COMMD1: variants seen among roughly 807,000 people sequenced by gnomAD.
The protein encoded by COMMD1 is COMM domain-containing protein 1.
Under a neutral mutation model 17.2 loss-of-function variants are expected in COMMD1, and 10 were observed. The ratio of observed to expected loss-of-function variants is 0.58; its 90% CI spans 0.36 to 0.99. The LOEUF is 0.99. Ranked by LOEUF, COMMD1 falls within the 50% of genes least tolerant of loss-of-function variation. The pLI, the probability that COMMD1 is intolerant of heterozygous loss-of-function variation, is 0.01. For missense variants in COMMD1, 270 were observed against 231.8 expected, an observed-to-expected ratio of 1.17 and a Z score of -1.07; for synonymous variants, 97 against 91.6, an observed-to-expected ratio of 1.06 and a Z score of -0.34.
chr2:62,072,236 CAAATT>C (rs1671216783), intron 2 of COMMD1, among the ~76,000 whole-genome samples: 1 of 152,102 alleles, frequency 6.6e-6, no homozygotes, highest in South Asian at 2.1e-4. Flanking sequence ...AAACCAAAGA[CAAATT>C]AAAGCCTGAA....
intron 1 of COMMD1, among the ~76,000 whole-genome samples, chr2:61,998,545 C>T (rs1157994986): frequency 6.6e-6 from 1 of 152,194 alleles, no homozygotes; most frequent in Non-Finnish European, 1.5e-5. Context: ...CAGGCGTGAA[C>T]CACTGCGCCC....
chr2:61,962,659 C>G (rs1322642576), intron 1 of COMMD1, among the ~76,000 whole-genome samples: 1 of 152,126 alleles, frequency 6.6e-6, no homozygotes, highest in East Asian at 1.9e-4. Context: ...GTGAGTTTCC[C>G]TGGTGAACAG....
At chr2:62,040,795 C>T (rs947163960) in intron 2 of COMMD1, among the ~76,000 whole-genome samples, 1 of 151,974 alleles carries the variant, frequency 6.6e-6, no homozygotes, top group Non-Finnish European at 1.5e-5. Context: ...ACTGCAACTT[C>T]TGCCTCCTGG....
At chr2:62,064,331 G>A (rs1231248978) in intron 2 of COMMD1, among the ~76,000 whole-genome samples, 1 of 151,890 alleles carries the variant, frequency 6.6e-6, no homozygotes, top group Admixed American at 6.6e-5. Context: ...GTGCCACAAC[G>A]CCTGGCTAAT....
intron 2 of COMMD1, among the ~76,000 whole-genome samples, chr2:62,092,292 A>T (rs138380794): frequency 6.5e-4 from 99 of 152,336 alleles, no homozygotes; most frequent in African/African-American, 2.2e-3. Context: ...AATATTCTAT[A>T]GCAAGGAAAG....
intron 1 of COMMD1, chr2:61,968,912 C>T (rs1191773133): frequency 1.1e-4 from 27 of 251,886 alleles, no homozygotes; most frequent in South Asian, 7.7e-4. Context: ...TTCTCAGTAA[C>T]GAAACCAGTT....
chr2:62,042,422 T>C (rs1032330180), intron 2 of COMMD1, among the ~76,000 whole-genome samples: 3 of 152,196 alleles, frequency 2.0e-5, no homozygotes, highest in South Asian at 4.1e-4. Flanking sequence ...TACCTCTCAA[T>C]GGCACTCTCC....
chr2:62,017,629 C>T (rs980436288), intron 2 of COMMD1, among the ~76,000 whole-genome samples: 6 of 151,708 alleles, frequency 4.0e-5, no homozygotes, highest in Non-Finnish European at 7.4e-5. Context: ...GTGATCATGC[C>T]ACTGCACTCC....
chr2:61,925,752 A>G (rs973489992), intron 1 of COMMD1, among the ~76,000 whole-genome samples: 1 of 152,216 alleles, frequency 6.6e-6, no homozygotes, highest in Non-Finnish European at 1.5e-5. Context: ...CTCATAATTT[A>G]AAAGGACTCA....
intron 1 of COMMD1, among the ~76,000 whole-genome samples, chr2:61,990,850 A>C (rs567229482): frequency 6.7e-6 from 1 of 149,662 alleles, no homozygotes; most frequent in South Asian, 2.1e-4. Flanking sequence ...TGGGGACACA[A>C]AGCCAAACCA....
chr2:61,903,093 C>G (rs928738480), upstream of COMMD1, among the ~76,000 whole-genome samples: 9 of 152,110 alleles, frequency 5.9e-5, no homozygotes, highest in Non-Finnish European at 1.0e-4. Context: ...GGAAGCAACT[C>G]TGAATTTGCC....
chr2:61,912,895 GAA>G (rs1373147790), intron 1 of COMMD1, among the ~76,000 whole-genome samples: 1 of 152,176 alleles, frequency 6.6e-6, no homozygotes, highest in Non-Finnish European at 1.5e-5. Flanking sequence ...AACGTTTACA[GAA>G]AAAGTTTGCT....
Position 62,019,057 on chromosome 2 carries a change from T to C in COMMD1, c.462+18075T>C, listed in dbSNP as rs1340950920. On this transcript the variant is annotated intron_variant, in intron 2 of 2. Transcript: ENST00000311832. ...TCCCTCCCTCCCTCCTTCCTTCCTT[T>C]CTTTCTCTCTCTCTTTCTCTCTCTC... Among the ~76,000 whole-genome samples the C allele has an allele frequency of 4.2e-3, 456 of 109,534 alleles. 6 individuals are homozygous for C. Among genetic ancestry groups the C allele is most frequent in the African/African-American group, 0.023 (435 of 18,572 alleles). The allele number at this position is 109,534 out of a possible 152,430, so 71.9% of individuals were successfully genotyped here. A position where few individuals can be genotyped will look rare whatever the true frequency, so the allele number is the denominator to read the frequency against.
At chr2:61,945,095 A>AAT (rs1670872725) in intron 1 of COMMD1, among the ~76,000 whole-genome samples, 1 of 152,198 alleles carries the variant, frequency 6.6e-6, no homozygotes, top group Non-Finnish European at 1.5e-5. Flanking sequence ...AAAACCCAAC[A>AAT]ATATGATTAC....
chr2:61,898,211 T>TAA (rs1470431464), intron 1 of COMMD1, among the ~76,000 whole-genome samples: 1 of 152,156 alleles, frequency 6.6e-6, no homozygotes, highest in Non-Finnish European at 1.5e-5. Flanking sequence ...CATGGTGGCT[T>TAA]ACACCTGTAA....
At chr2:62,036,828 A>C (rs1381551410) in intron 2 of COMMD1, among the ~76,000 whole-genome samples, 3 of 152,232 alleles carry the variant, frequency 2.0e-5, no homozygotes, top group African/African-American at 7.2e-5. Flanking sequence ...CCCTAGGATT[A>C]GTAAACTTAA....
chr2:62,089,411 G>T (rs764891596), intron 2 of COMMD1, among the ~76,000 whole-genome samples: 2 of 151,208 alleles, frequency 1.3e-5, no homozygotes, highest in Non-Finnish European at 2.9e-5. Context: ...TCAGCCTCCC[G>T]AGTAGCTGGG....
At chr2:62,108,081 C>A (rs1553392518) in intron 2 of COMMD1, among the ~76,000 whole-genome samples, 1 of 152,148 alleles carries the variant, frequency 6.6e-6, no homozygotes, top group Non-Finnish European at 1.5e-5. Flanking sequence ...CCTGAACTGT[C>A]TTCTCTCCCA....
At chr2:62,005,398 G>T (rs1008668638) in intron 2 of COMMD1, among the ~76,000 whole-genome samples, 3 of 152,072 alleles carry the variant, frequency 2.0e-5, no homozygotes, top group African/African-American at 7.2e-5. Context: ...CTCCTGTTCA[G>T]TTTGTCTGTA....
Sources: gnomAD v4.1 joint callset for allele counts (sites outside exome capture counted in the v4.1 genomes callset) on GRCh38, gnomAD v4.1.1 for gene constraint, MANE v1.5 for transcripts, NCBI Gene and HGNC (gene_info 2026-07-23, HGNC 2026-07-21) for gene names.